The following PDE1A variants were observed in gnomAD, a reference collection of about 807,000 sequenced individuals.
PDE1A encodes phosphodiesterase 1A.
In PDE1A, 35 loss-of-function variants were observed where a neutral mutation model predicts 61.7. The ratio of observed to expected loss-of-function variants is 0.57; its 90% CI spans 0.43 to 0.75. The LOEUF is 0.75. PDE1A is among the 30% of genes least tolerant of loss of function. The probability of loss-of-function intolerance (pLI) is 0.00; values close to 1 mark genes in which losing one functional copy is unlikely to be tolerated. For missense variants in PDE1A, 597 were observed against 630.6 expected (o/e 0.95, Z 0.57); for synonymous variants, 232 against 213.2 (o/e 1.09, Z -0.77).
At chr2:182,402,420 G>A (rs760255174) in intron 1 of PDE1A, among the ~76,000 whole-genome samples, 2 of 152,148 alleles carry the variant, frequency 1.3e-5, no homozygotes, top group Non-Finnish European at 2.9e-5. Context: ...AACAAGCAAT[G>A]GGGAAATGAT....
the PDE1A span, among the ~76,000 whole-genome samples, chr2:182,546,282 T>C: frequency 6.6e-6 from 1 of 152,112 alleles, no homozygotes; most frequent in Non-Finnish European, 1.5e-5. Context: ...GGGTGTCTGA[T>C]ACACACCTAG....
rs558419006 is a variant in PDE1A, at chr2:182,230,440, G to A, written c.535-294C>T. Reference sequence around the variant, plus strand: ...GAGTAGGAAGGCTAATTCGTAGAAGGGTAAATATTTCCAGTTACAATTAGT... The same window carrying A: ...GAGTAGGAAGGCTAATTCGTAGAAGAGTAAATATTTCCAGTTACAATTAGT... On this transcript the variant is annotated intron_variant, in intron 5 of 13. Coordinates refer to ENST00000351439, the Ensembl canonical transcript of PDE1A. Among the ~76,000 whole-genome samples, 5 of 152,162 alleles carry A rather than the reference G, an allele frequency of 3.3e-5. No homozygotes were observed. In the South Asian group the frequency reaches 1.0e-3, roughly 32 times the overall value.
the PDE1A span, among the ~76,000 whole-genome samples, chr2:182,567,053 T>C: frequency 6.6e-6 from 1 of 152,222 alleles, no homozygotes; most frequent in Non-Finnish European, 1.5e-5. Context: ...AGTTACTTTA[T>C]TTATTAGTAA....
At chr2:182,234,549 T>C in intron 3 of PDE1A, 51 bp from the exon 4 acceptor site, 1 of 1,154,858 alleles carries the variant, frequency 8.7e-7, no homozygotes, top group Non-Finnish European at 1.3e-6. Context: ...ATTCAAAGTT[T>C]TCAACTATTT....
At chr2:182,420,767 T>G (rs924068699) in intron 1 of PDE1A, among the ~76,000 whole-genome samples, 2 of 152,206 alleles carry the variant, frequency 1.3e-5, no homozygotes, top group African/African-American at 4.8e-5. Context: ...GCAGCTGGCT[T>G]GGATATTACA....
At chr2:182,232,828 G>T (rs1026428595) in intron 4 of PDE1A, among the ~76,000 whole-genome samples, 1 of 152,136 alleles carries the variant, frequency 6.6e-6, no homozygotes, top group Non-Finnish European at 1.5e-5. Flanking sequence ...CAACTTGGGG[G>T]TTCCCACTGA....
exon 12 of PDE1A, chr2:182,186,474 G>T: frequency 6.2e-7 from 1 of 1,611,692 alleles, no homozygotes. Flanking sequence ...ATACCTGCTT[G>T]CCACATAGGA....
chr2:182,675,055 G>T, the PDE1A span, among the ~76,000 whole-genome samples: 2 of 152,026 alleles, frequency 1.3e-5, no homozygotes, highest in Non-Finnish European at 2.9e-5. Flanking sequence ...TTGTCACCCA[G>T]CTACCAAGCC....
the PDE1A span, among the ~76,000 whole-genome samples, chr2:182,578,207 T>TTC: frequency 6.6e-6 from 1 of 152,108 alleles, no homozygotes; most frequent in Non-Finnish European, 1.5e-5. Flanking sequence ...CTAAACTCCC[T>TTC]TCTACTCTTT....
At chr2:182,658,228 C>T in the PDE1A span, among the ~76,000 whole-genome samples, 1 of 152,138 alleles carries the variant, frequency 6.6e-6, no homozygotes, top group African/African-American at 2.4e-5. Flanking sequence ...AGGCTGGTTT[C>T]CTTTGAAGGC....
the PDE1A span, among the ~76,000 whole-genome samples, chr2:182,658,047 T>TA: frequency 0.38 from 25,504 of 67,766 alleles, 4,615 homozygotes; most frequent in Non-Finnish European, 0.44. Context: ...AGCTTCTCAG[T>TA]AAAAAAAAAA....
At chr2:182,668,780 C>T in the PDE1A span, among the ~76,000 whole-genome samples, 1 of 152,210 alleles carries the variant, frequency 6.6e-6, no homozygotes, top group African/African-American at 2.4e-5. Context: ...CATTTCCTGG[C>T]TCCCCACTGT....
chr2:182,356,337 T>C (rs539732080), intron 1 of PDE1A, among the ~76,000 whole-genome samples: 16 of 152,314 alleles, frequency 1.1e-4, no homozygotes, highest in African/African-American at 3.8e-4. Context: ...CTTGTGTCTA[T>C]ATACTATGTT....
the PDE1A span, among the ~76,000 whole-genome samples, chr2:182,693,017 G>A: frequency 2.0e-5 from 3 of 152,054 alleles, no homozygotes; most frequent in East Asian, 1.9e-4. Flanking sequence ...TTGAGCCCAC[G>A]AGTTTGAGGT....
chr2:182,561,122 G>T, the PDE1A span, among the ~76,000 whole-genome samples: 580 of 147,570 alleles, frequency 3.9e-3, 6 homozygotes, highest in African/African-American at 0.013. Context: ...TAGACATGAA[G>T]TCCTTGCCCA....
intron 13 of PDE1A, among the ~76,000 whole-genome samples, chr2:182,161,561 TC>T (rs948117874): frequency 7.9e-5 from 12 of 152,046 alleles, no homozygotes; most frequent in Admixed American, 6.6e-4. Flanking sequence ...AGTAATGGTC[TC>T]CCCTGCAGCA....
chr2:182,320,907 A>C (rs112560581), intron 1 of PDE1A, among the ~76,000 whole-genome samples: 1,748 of 152,294 alleles, frequency 0.011, 25 homozygotes, highest in South Asian at 0.069. Flanking sequence ...TATTATGCAA[A>C]TGAAATATTT....
chr2:182,677,107 G>A, the PDE1A span, among the ~76,000 whole-genome samples: 6 of 152,094 alleles, frequency 3.9e-5, no homozygotes, highest in Non-Finnish European at 2.9e-5. Flanking sequence ...CAAATAGGAA[G>A]ACAGGACGTC....
the PDE1A span, among the ~76,000 whole-genome samples, chr2:182,550,838 G>A: frequency 6.6e-6 from 1 of 152,130 alleles, no homozygotes; most frequent in Admixed American, 6.5e-5. Context: ...TGGATCTTCT[G>A]TGTCCATATG....
Sources: gnomAD v4.1 joint callset for allele counts (sites outside exome capture counted in the v4.1 genomes callset) on GRCh38, gnomAD v4.1.1 for gene constraint, MANE v1.5 for transcripts, NCBI Gene and HGNC (gene_info 2026-07-23, HGNC 2026-07-21) for gene names.